LINGO2: variants seen among roughly 807,000 people sequenced by gnomAD.
LINGO2 encodes the protein leucine rich repeat and Ig domain containing 2.
LINGO2 carries 14 observed loss-of-function variants against 30.6 expected under a neutral mutation model. The ratio of observed to expected loss-of-function variants is 0.46; its 90% confidence interval spans 0.30 to 0.72. LINGO2 has a LOEUF of 0.72. LINGO2 is among the 30% of genes least tolerant of loss of function. The probability of loss-of-function intolerance (pLI) is 0.07; values close to 1 mark genes in which losing one functional copy is unlikely to be tolerated. For missense variants in LINGO2, 729 were observed against 751.7 expected, an observed-to-expected ratio of 0.97 and a Z score of 0.35; for synonymous variants, 317 against 288.5, an observed-to-expected ratio of 1.10 and a Z score of -1.00.
chr9:28,838,295 A>T, the LINGO2 span, among the ~76,000 whole-genome samples: 1 of 152,138 alleles, frequency 6.6e-6, no homozygotes, highest in South Asian at 2.1e-4. Flanking sequence ...AGTGCCATTC[A>T]TTTCATTATT....
chr9:28,904,528 A>C, the LINGO2 span, among the ~76,000 whole-genome samples: 8 of 152,196 alleles, frequency 5.3e-5, no homozygotes, highest in Middle Eastern at 3.4e-3. Context: ...CAAAAGCAAC[A>C]TATGAAAATC....
At chr9:29,186,884 G>A in the LINGO2 span, among the ~76,000 whole-genome samples, 1 of 152,040 alleles carries the variant, frequency 6.6e-6, no homozygotes, top group African/African-American at 2.4e-5. Flanking sequence ...TGGCCCATAA[G>A]AAAGACCATA....
rs201427259 is a variant in LINGO2 at position 28,164,295 on chromosome 9, C to T, written c.-87+130913G>A. On this transcript the variant is annotated intron_variant, in intron 4 of 5. Coordinates refer to ENST00000379992, the Ensembl canonical transcript of LINGO2. Reference sequence around the variant, plus strand: ...ATCACTGACAGTGTGCTATACTAGACACTGTGGTAAAATATAAGATGATTA... The same window carrying T: ...ATCACTGACAGTGTGCTATACTAGATACTGTGGTAAAATATAAGATGATTA... Among the ~76,000 whole-genome samples, 21 of 152,228 alleles carry T rather than the reference C, an allele frequency of 1.4e-4. No homozygotes were observed. In the East Asian group the frequency reaches 3.9e-3, roughly 28 times the overall value.
intron 4 of LINGO2, among the ~76,000 whole-genome samples, chr9:28,092,388 C>T (rs1329835385): frequency 6.6e-6 from 1 of 151,974 alleles, no homozygotes; most frequent in African/African-American, 2.4e-5. Context: ...GAGTTCATGT[C>T]CTTTGTAGGG....
At chr9:27,990,754 G>A (rs1563888658) in intron 5 of LINGO2, among the ~76,000 whole-genome samples, 1 of 152,008 alleles carries the variant, frequency 6.6e-6, no homozygotes, top group Non-Finnish European at 1.5e-5. Flanking sequence ...AAGTCTATGT[G>A]GTTAACCACT....
chr9:29,210,479 C>T, the LINGO2 span, among the ~76,000 whole-genome samples: 17 of 152,156 alleles, frequency 1.1e-4, no homozygotes, highest in South Asian at 3.5e-3. Context: ...ATCACTTTTT[C>T]ACACCATAAA....
chr9:28,953,461 A>G, the LINGO2 span, among the ~76,000 whole-genome samples: 3 of 152,124 alleles, frequency 2.0e-5, no homozygotes, highest in Admixed American at 2.0e-4. Context: ...GAAAACACTA[A>G]TTTAAAAATA....
At chr9:28,479,885 A>G (rs10757747) in intron 1 of LINGO2, among the ~76,000 whole-genome samples, 839 of 59,100 alleles carry the variant, frequency 0.014, 7 homozygotes, top group African/African-American at 0.018. Context: ...GTGTGTGTGT[A>G]TGTGTGTATG....
chr9:28,882,394 C>T, the LINGO2 span, among the ~76,000 whole-genome samples: 1 of 152,102 alleles, frequency 6.6e-6, no homozygotes, highest in Non-Finnish European at 1.5e-5. Context: ...GCTAGTATAT[C>T]AGGATTATTG....
At chr9:28,265,199 A>T (rs10968424) in intron 4 of LINGO2, among the ~76,000 whole-genome samples, 34,783 of 151,630 alleles carry the variant, frequency 0.23, 4,455 homozygotes, top group Non-Finnish European at 0.3. Context: ...GCACACACTC[A>T]TATATCTTAC....
At chr9:28,498,734 A>C (rs542899825) in intron 1 of LINGO2, among the ~76,000 whole-genome samples, 1 of 152,010 alleles carries the variant, frequency 6.6e-6, no homozygotes, top group South Asian at 2.1e-4. Context: ...GAAATCACCC[A>C]TCTTCTGCGT....
the LINGO2 span, among the ~76,000 whole-genome samples, chr9:28,929,263 A>G: frequency 3.9e-5 from 6 of 152,224 alleles, no homozygotes; most frequent in African/African-American, 9.6e-5. Context: ...CAGCCCAAGC[A>G]GAGTTCAGTT....
intron 1 of LINGO2, among the ~76,000 whole-genome samples, chr9:28,498,884 T>G (rs1466195822): frequency 1.3e-5 from 2 of 152,098 alleles, no homozygotes; most frequent in Admixed American, 6.5e-5. Flanking sequence ...GACTATATAA[T>G]AAAAATAATA....
At chr9:29,162,253 C>T in the LINGO2 span, among the ~76,000 whole-genome samples, 3 of 152,012 alleles carry the variant, frequency 2.0e-5, no homozygotes, top group African/African-American at 7.2e-5. Flanking sequence ...AAAAAGATAA[C>T]CATTCATCCA....
intron 4 of LINGO2, among the ~76,000 whole-genome samples, chr9:28,275,123 C>G (rs536328060): frequency 1.3e-5 from 2 of 152,184 alleles, no homozygotes; most frequent in South Asian, 4.2e-4. Context: ...GGCTGGAGTG[C>G]AGTGGCGCTA....
chr9:28,479,918 T>TATATGTAG (rs1469951618), intron 1 of LINGO2, among the ~76,000 whole-genome samples: 2 of 55,360 alleles, frequency 3.6e-5, no homozygotes, highest in African/African-American at 1.4e-4. Flanking sequence ...TAGGTATATA[T>TATATGTAG]ATATATATAT....
intron 2 of LINGO2, among the ~76,000 whole-genome samples, chr9:28,399,525 C>T (rs971457013): frequency 1.3e-5 from 2 of 151,912 alleles, no homozygotes; most frequent in African/African-American, 2.4e-5. Context: ...ATAGGGAAAA[C>T]ATGGTTACAA....
intron 1 of LINGO2, among the ~76,000 whole-genome samples, chr9:28,588,257 G>T (rs180959826): frequency 7.2e-5 from 11 of 151,830 alleles, no homozygotes; most frequent in East Asian, 5.8e-4. Context: ...CCAAAGGAAA[G>T]AAAAACTCTT....
intron 2 of LINGO2, among the ~76,000 whole-genome samples, chr9:28,475,634 C>G (rs1036248595): frequency 6.6e-6 from 1 of 152,046 alleles, no homozygotes; most frequent in African/African-American, 2.4e-5. Flanking sequence ...CTTAGTTAAT[C>G]CTTATAAAAA....
Sources: gnomAD v4.1 joint callset for allele counts (sites outside exome capture counted in the v4.1 genomes callset) on GRCh38, gnomAD v4.1.1 for gene constraint, MANE v1.5 for transcripts, NCBI Gene and HGNC (gene_info 2026-07-23, HGNC 2026-07-21) for gene names.